The following PLD5 variants were observed in gnomAD, a reference collection of about 807,000 sequenced individuals.
PLD5 encodes phospholipase D family member 5.
A neutral mutation model predicts 61.1 loss-of-function variants in PLD5; 36 were observed. The ratio of observed to expected loss-of-function variants is 0.59; its 90% CI spans 0.45 to 0.78. PLD5 has a LOEUF of 0.78. PLD5 is among the 30% of genes least tolerant of loss of function. The pLI is 0.00. For synonymous variants in PLD5, 243 were observed against 242.8 expected, an observed-to-expected ratio of 1.00 and a Z score of -0.01; for missense variants, 515 against 644.4, an observed-to-expected ratio of 0.80 and a Z score of 2.17.
At chr1:242,164,809 T>C (rs534661734) in intron 5 of PLD5, among the ~76,000 whole-genome samples, 1 of 152,194 alleles carries the variant, frequency 6.6e-6, no homozygotes, top group Non-Finnish European at 1.5e-5. Context: ...AGCACTTCTA[T>C]ACTTGATTTG....
At chr1:242,149,344 T>A (rs1020050432) in intron 5 of PLD5, among the ~76,000 whole-genome samples, 3 of 151,848 alleles carry the variant, frequency 2.0e-5, no homozygotes. Context: ...AGATAAACTC[T>A]ACTTGATCAT....
chr1:242,178,958 C>T (rs1667346706), intron 5 of PLD5, among the ~76,000 whole-genome samples: 1 of 152,162 alleles, frequency 6.6e-6, no homozygotes. Flanking sequence ...AGAAATTACC[C>T]AGGGAACACG....
chr1:242,314,597 C>T (rs1455409348), intron 2 of PLD5, among the ~76,000 whole-genome samples: 1 of 152,186 alleles, frequency 6.6e-6, no homozygotes, highest in Non-Finnish European at 1.5e-5. Context: ...CCTATCCCTT[C>T]TTTCTCTTTT....
intron 1 of PLD5, among the ~76,000 whole-genome samples, chr1:242,443,782 CTA>C (rs1188436062): frequency 6.6e-6 from 1 of 152,158 alleles, no homozygotes; most frequent in African/African-American, 2.4e-5. Context: ...TTTTGTAATC[CTA>C]TGAGCATCTC....
At chr1:242,526,437 T>C (rs1478174880), upstream of PLD5, among the ~76,000 whole-genome samples, 4 of 152,078 alleles carry the variant, frequency 2.6e-5, no homozygotes, top group South Asian at 2.1e-4. Flanking sequence ...TTTTGTTTGT[T>C]TGTTTTGTTT....
intron 5 of PLD5, among the ~76,000 whole-genome samples, chr1:242,151,454 T>C (rs184083701): frequency 1.6e-4 from 25 of 152,138 alleles, no homozygotes; most frequent in African/African-American, 5.5e-4. Flanking sequence ...CACGGAGTTT[T>C]TTCCCCCAGC....
At chr1:242,207,735 G>C (rs1199714275) in intron 5 of PLD5, among the ~76,000 whole-genome samples, 1 of 109,440 alleles carries the variant, frequency 9.1e-6, no homozygotes, top group Non-Finnish European at 1.8e-5. Context: ...GGAAATCGAT[G>C]TTTTATATAT....
intron 1 of PLD5, chr1:242,377,061 G>A (rs1558509161): frequency 6.2e-7 from 1 of 1,611,786 alleles, no homozygotes; most frequent in Non-Finnish European, 8.5e-7. Flanking sequence ...GCCATCAGGG[G>A]AGTCATCCTC....
At chr1:242,244,931 G>T (rs956837405) in intron 4 of PLD5, among the ~76,000 whole-genome samples, 42 of 152,236 alleles carry the variant, frequency 2.8e-4, no homozygotes, top group Non-Finnish European at 4.4e-4. Flanking sequence ...AGAACTCAGA[G>T]ACCTAATTAG....
At chr1:242,388,133 C>T (rs79661512) in intron 1 of PLD5, among the ~76,000 whole-genome samples, 6,250 of 152,226 alleles carry the variant, frequency 0.041, 251 homozygotes, top group East Asian at 0.11. Flanking sequence ...TCTGGGTTGT[C>T]GTCTTCTCCT....
intron 1 of PLD5, among the ~76,000 whole-genome samples, chr1:242,363,617 T>C (rs1329863685): frequency 6.6e-6 from 1 of 151,664 alleles, no homozygotes; most frequent in Non-Finnish European, 1.5e-5. Context: ...CTACCAGACA[T>C]GCCAAGAAAC....
intron 1 of PLD5, among the ~76,000 whole-genome samples, chr1:242,489,793 A>G (rs1443823400): frequency 6.6e-6 from 1 of 152,222 alleles, no homozygotes; most frequent in Non-Finnish European, 1.5e-5. Context: ...AATCAACAGA[A>G]TTTCAAAGGA....
chr1:242,275,575 C>T (rs568301958), intron 3 of PLD5, among the ~76,000 whole-genome samples: 106 of 152,204 alleles, frequency 7.0e-4, no homozygotes, highest in African/African-American at 2.5e-3. Flanking sequence ...TATGTGTCAG[C>T]GACCTGAAAG....
intron 5 of PLD5, among the ~76,000 whole-genome samples, chr1:242,217,743 G>A (rs1670306816): frequency 6.6e-6 from 1 of 152,190 alleles, no homozygotes; most frequent in African/African-American, 2.4e-5. Flanking sequence ...CTTCAGTGCA[G>A]GAAGTCACTG....
At chr1:242,403,937 C>T (rs1020487508) in intron 1 of PLD5, among the ~76,000 whole-genome samples, 3 of 152,284 alleles carry the variant, frequency 2.0e-5, no homozygotes, top group Admixed American at 2.0e-4. Context: ...ATACACAAAC[C>T]ACATTCCAGA....
At position 242,100,711 on chromosome 1, in the gene PLD5, T is replaced by C; in HGVS notation, c.1311A>G (p.Leu437=). ...CTGTCACCATGTACTTGTTGCGATTTAACCTAGGAAAGGTGTGATTCTTTT... is the reference window on the plus strand; with the variant it reads ...CTGTCACCATGTACTTGTTGCGATTCAACCTAGGAAAGGTGTGATTCTTTT... ...KEQKNHTFPR[L]NRNKYMVTDG... is the part of the protein sequence containing the mutation. The change falls in exon 9 of 10, where the codon TTA becomes TTG. Residue 437 remains leucine, a synonymous_variant. Transcript: ENST00000536534. 6.2e-7 allele frequency: 1 copy of C among 1,614,144 alleles called. No individual in the cohort carries two copies. The highest frequency in any genetic ancestry group is 8.5e-7 in the Non-Finnish European group (1 of 1,180,012).
chr1:242,394,791 AATATATATGTGTATATATGT>A (rs1663338208), intron 1 of PLD5, among the ~76,000 whole-genome samples: 1 of 42,102 alleles, frequency 2.4e-5, no homozygotes, highest in Non-Finnish European at 4.3e-5. Context: ...TATATATGTG[AATATATATGTGTATATATGT>A]GAATATATAT....
chr1:242,470,914 C>T (rs1667431436), intron 1 of PLD5, among the ~76,000 whole-genome samples: 1 of 152,220 alleles, frequency 6.6e-6, no homozygotes, highest in Non-Finnish European at 1.5e-5. Context: ...CAGGCGCTCC[C>T]CTTTGAGGTT....
intron 8 of PLD5, among the ~76,000 whole-genome samples, chr1:242,105,692 G>A (rs1661000691): frequency 6.6e-6 from 1 of 152,158 alleles, no homozygotes; most frequent in Non-Finnish European, 1.5e-5. Context: ...TAGAAAATAA[G>A]TATGAAAAAT....
Sources: gnomAD v4.1 joint callset for allele counts (sites outside exome capture counted in the v4.1 genomes callset) on GRCh38, gnomAD v4.1.1 for gene constraint, MANE v1.5 for transcripts, NCBI Gene and HGNC (gene_info 2026-07-23, HGNC 2026-07-21) for gene names.